Variants in ATG13 observed in about 807,000 individuals in gnomAD.
The protein encoded by ATG13 is autophagy-related protein 13.
Under a neutral mutation model 65.5 loss-of-function variants are expected in ATG13, and 23 were observed. That is an observed-to-expected ratio of 0.35 (90% CI 0.25 to 0.50). ATG13 has a LOEUF of 0.50. ATG13 is among the 20% of genes least tolerant of loss of function. ATG13 has a pLI of 0.98. For synonymous variants in ATG13, 252 were observed against 245.2 expected, an observed-to-expected ratio of 1.03 and a Z score of -0.26; for missense variants, 566 against 677.0, an observed-to-expected ratio of 0.84 and a Z score of 1.82.
intron 2 of ATG13, among the ~76,000 whole-genome samples, chr11:46,638,996 A>ATTTT (rs527655119): frequency 6.4e-4 from 93 of 146,382 alleles, no homozygotes; most frequent in African/African-American, 2.4e-3. Context: ...TTATTTATTT[A>ATTTT]TTTTTTTTTG....
Position 46,672,396 on chromosome 11 carries a change from G to A in ATG13, c.*64G>A, listed in dbSNP as rs1409765831. ...CCCCAGGGCATAAGCAGCCTCCCAT[G>A]CATCAGCTGCTCCCACCCCTCATCC... On this transcript the variant is annotated 3_prime_UTR_variant, in exon 19 of 19. Coordinates refer to ENST00000683050, the MANE Select transcript of ATG13 (RefSeq NM_001346311.2). 9.9e-6 allele frequency: 16 copies of A among 1,612,014 alleles called. No homozygotes were observed. Among genetic ancestry groups the A allele is most frequent in the Non-Finnish European group, 1.4e-5 (16 of 1,178,616 alleles).
At chr11:46,661,841 A>T (rs2061292738) in intron 11 of ATG13, among the ~76,000 whole-genome samples, 1 of 152,218 alleles carries the variant, frequency 6.6e-6, no homozygotes, top group Non-Finnish European at 1.5e-5. Flanking sequence ...AAAAAAAAAT[A>T]AAATAATAAA....
At chr11:46,649,032 C>CTTT in intron 5 of ATG13, 105 bp from the exon 6 acceptor site, 1 of 821,496 alleles carries the variant, frequency 1.2e-6, no homozygotes, top group Non-Finnish European at 1.8e-6. Context: ...GATATCTATT[C>CTTT]TTTTTTTTTT....
At chr11:46,658,459 G>A (rs1484109691) in intron 10 of ATG13, among the ~76,000 whole-genome samples, 1 of 152,124 alleles carries the variant, frequency 6.6e-6, no homozygotes, top group East Asian at 1.9e-4. Flanking sequence ...ACTTTGGGAA[G>A]CTGAGATCTG....
At position 46,672,355 on chromosome 11, in the gene ATG13, C is replaced by T. The variant is rs370732438; in HGVS notation, c.*23C>T. On this transcript the variant is annotated 3_prime_UTR_variant, in exon 19 of 19. Transcript: ENST00000683050. Reference sequence around the variant, plus strand: ...TAAAAGTATCCTTGAGTCCCAGCAGCACCCCCTTTTTGTGGCCCCAGGGCA... The same window carrying T: ...TAAAAGTATCCTTGAGTCCCAGCAGTACCCCCTTTTTGTGGCCCCAGGGCA... 1.1e-5 allele frequency: 17 copies of T among 1,614,008 alleles called. No individual in the cohort carries two copies. Among genetic ancestry groups the T allele is most frequent in the African/African-American group, 1.3e-5 (1 of 74,938 alleles).
chr11:46,663,900 AC>A (rs1421927120), intron 11 of ATG13, 96 bp from the exon 12 acceptor site: 2 of 868,782 alleles, frequency 2.3e-6, no homozygotes, highest in African/African-American at 3.5e-5. Context: ...CTCTCTTGCT[AC>A]TGCCCCTTCC....
chr11:46,629,026 T>C (rs530190343), intron 1 of ATG13, among the ~76,000 whole-genome samples: 5 of 150,392 alleles, frequency 3.3e-5, no homozygotes, highest in Non-Finnish European at 7.4e-5. Context: ...CACTACAACC[T>C]CCTCCTCCTG....
intron 2 of ATG13, among the ~76,000 whole-genome samples, chr11:46,643,257 C>A (rs2056626754): frequency 6.6e-6 from 1 of 152,176 alleles, no homozygotes; most frequent in Non-Finnish European, 1.5e-5. Context: ...ACAGCTCCAA[C>A]AACGTGTCCA....
Position 46,664,762 on chromosome 11 carries a change from T to G in ATG13, c.889-87T>G. 5 of 1,229,092 alleles carry G rather than the reference T, an allele frequency of 4.1e-6. No individual in the cohort carries two copies. In the Middle Eastern group the frequency reaches 7.6e-4, roughly 188 times the overall value. 76.1% of individuals were successfully genotyped at this position (1,229,092 alleles called of 1,614,324 possible). A position where few individuals can be genotyped will look rare whatever the true frequency, so the allele number is the denominator to read the frequency against. ...GGGCGGGAGCCATTCCTTATCTCTC[T>G]ACTGAGCCATCTTGTTTGTCACGCT... On this transcript the variant is annotated intron_variant, in intron 12 of 18. Transcript: ENST00000683050.
At chr11:46,669,602 A>G in intron 18 of ATG13, 70 bp downstream of exon 18, 1 of 1,557,010 alleles carries the variant, frequency 6.4e-7, no homozygotes, top group Non-Finnish European at 8.8e-7. Context: ...AAGGCCTAGG[A>G]GGCCTACCAC....
intron 1 of ATG13, among the ~76,000 whole-genome samples, chr11:46,624,811 T>C (rs1591447246): frequency 6.6e-6 from 1 of 152,088 alleles, no homozygotes; most frequent in African/African-American, 2.4e-5. Context: ...GGTGAGAGGA[T>C]TGCCTGAGCG....
chr11:46,663,109 C>CA (rs1296983945), intron 11 of ATG13, among the ~76,000 whole-genome samples: 227 of 151,724 alleles, frequency 1.5e-3, no homozygotes, highest in African/African-American at 5.0e-3. Flanking sequence ...ACTAAAAATA[C>CA]AAAAAAATTA....
Position 46,673,796 on chromosome 11 carries a change from C to G in ATG13, c.*1464C>G, listed in dbSNP as rs2064235541. The stretch of plus-strand genomic sequence containing the variant: ...TAGTCCTGGTCAAGGAGATCTAGGT[C>G]TACTCCATTCCTCCTGGCCCACCTG... On this transcript the variant is annotated 3_prime_UTR_variant, in exon 19 of 19. Transcript: ENST00000683050. 1 of 152,304 alleles carries G rather than the reference C, an allele frequency of 6.6e-6. No homozygotes were observed. The highest frequency in any genetic ancestry group is 1.5e-5 in the Non-Finnish European group (1 of 68,100). The allele number at this position is 152,304 out of a possible 1,614,324, so 9.4% of individuals were successfully genotyped here.
chr11:46,629,713 A>G (rs1323929529), intron 1 of ATG13, among the ~76,000 whole-genome samples: 1 of 152,058 alleles, frequency 6.6e-6, no homozygotes, highest in East Asian at 1.9e-4. Flanking sequence ...GCTTAATCTT[A>G]ATAAGCACTT....
intron 2 of ATG13, among the ~76,000 whole-genome samples, chr11:46,639,606 G>T (rs1312690909): frequency 1.3e-5 from 2 of 152,152 alleles, no homozygotes; most frequent in Admixed American, 1.3e-4. Context: ...TAATTGTAGG[G>T]TTGCCAAAAC....
At chr11:46,658,661 G>C (rs928954575) in intron 10 of ATG13, among the ~76,000 whole-genome samples, 1 of 151,440 alleles carries the variant, frequency 6.6e-6, no homozygotes, top group African/African-American at 2.4e-5. Flanking sequence ...TGAGCCTCCC[G>C]AGTAGCTGGG....
At chr11:46,650,406 T>A in intron 7 of ATG13, 89 bp downstream of exon 7, 4 of 1,489,260 alleles carry the variant, frequency 2.7e-6, no homozygotes, top group Non-Finnish European at 3.6e-6. Flanking sequence ...TGATGATGTT[T>A]TGGACAGTTG....
In ATG13 at chr11:46,656,227, A is replaced by G; in HGVS notation, c.459-6A>G. 2 of 1,612,046 alleles carry G rather than the reference A, an allele frequency of 1.2e-6. No individual in the cohort carries two copies. The highest frequency in any genetic ancestry group is 1.7e-6 in the Non-Finnish European group (2 of 1,178,294). On this transcript the variant is annotated splice_polypyrimidine_tract_variant and splice_region_variant and intron_variant, in intron 7 of 18. Coordinates refer to ENST00000683050, the MANE Select transcript of ATG13 (RefSeq NM_001346311.2). ...GGTAACATTTCTTATTTTTTCTTCC[A>G]TACAGGATATATTTTGGAGAAGTTC... is the stretch of plus-strand genomic sequence containing the variant.
chr11:46,663,409 A>G (rs2061596298), intron 11 of ATG13, among the ~76,000 whole-genome samples: 2 of 152,062 alleles, frequency 1.3e-5, no homozygotes, highest in African/African-American at 4.8e-5. Context: ...CACCTATGCC[A>G]TCAGGGACTG....
Sources: gnomAD v4.1 joint callset for allele counts (sites outside exome capture counted in the v4.1 genomes callset) on GRCh38, gnomAD v4.1.1 for gene constraint, MANE v1.5 for transcripts, NCBI Gene and HGNC (gene_info 2026-07-23, HGNC 2026-07-21) for gene names.